Variants in PTPRB observed in about 807,000 individuals in gnomAD.
PTPRB encodes the protein protein tyrosine phosphatase receptor type B.
PTPRB carries 97 observed loss-of-function variants against 238.1 expected under a neutral mutation model. The observed-to-expected ratio is 0.41, with a 90% CI of 0.35 to 0.48. The LOEUF is 0.48. Ranked by LOEUF, PTPRB falls within the 20% of genes least tolerant of loss-of-function variation. The pLI, the probability that PTPRB is intolerant of heterozygous loss-of-function variation, is 0.30. For missense variants in PTPRB, 2,292 were observed against 2,681.9 expected (o/e 0.85, Z 3.21); for synonymous variants, 970 against 995.4 (o/e 0.97, Z 0.48).
In PTPRB at chr12:70,609,946, G is replaced by T. The variant is rs935816643; in HGVS notation, c.709-607C>A. On this transcript the variant is annotated intron_variant, in intron 3 of 33. Coordinates refer to ENST00000334414, the MANE Select transcript of PTPRB (RefSeq NM_001109754.4). The stretch of plus-strand genomic sequence containing the variant: ...GGCGCAGCGCGCTTCCCTCGGGGCT[G>T]GCGACGCGCAGGGGCCACTGCGGCC... 6 of 743,948 alleles carry T rather than the reference G, an allele frequency of 8.1e-6. No individual in the cohort carries two copies. In the East Asian group the frequency reaches 2.2e-4, roughly 27 times the overall value. The allele number at this position is 743,948 out of a possible 1,614,324, so 46.1% of individuals were successfully genotyped here. A position where few individuals can be genotyped will look rare whatever the true frequency, so the allele number is the denominator to read the frequency against.
In PTPRB at chr12:70,544,513, G is replaced by A. The variant is rs774116959; in HGVS notation, c.5494+44C>T. On this transcript the variant is annotated intron_variant, in intron 22 of 33. Coordinates refer to ENST00000334414, the MANE Select transcript of PTPRB (RefSeq NM_001109754.4). ...ATCTCCCCATTAGAGGCTCTTGTAG[G>A]TGACATGGCAGTTGGTAGAACATGA... is the stretch of plus-strand genomic sequence containing the variant. 4.5e-6 allele frequency: 6 copies of A among 1,325,574 alleles called. No individual in the cohort carries two copies. The East Asian group carries it at 1.4e-4, about 31-fold the overall frequency. The allele number at this position is 1,325,574 out of a possible 1,614,324, so 82.1% of individuals were successfully genotyped here.
chr12:70,592,561 C>G lies in PTPRB; in HGVS notation c.1517-16G>C, dbSNP rs775595847. 2 of 1,607,642 alleles carry G rather than the reference C, an allele frequency of 1.2e-6. No individual in the cohort carries two copies. Among genetic ancestry groups the G allele is most frequent in the South Asian group, 2.2e-5 (2 of 90,086 alleles). On this transcript the variant is annotated splice_polypyrimidine_tract_variant and intron_variant, in intron 6 of 33. Coordinates refer to ENST00000334414, the MANE Select transcript of PTPRB (RefSeq NM_001109754.4). ...TCCATGGGGGCTAATCAGGAAAGAA[C>G]AGAAAGGAGACTTTTACTCAGGATC... is the stretch of plus-strand genomic sequence containing the variant.
chr12:70,627,441 C>A (rs181773032), intron 2 of PTPRB, among the ~76,000 whole-genome samples: 36 of 152,206 alleles, frequency 2.4e-4, no homozygotes, highest in Non-Finnish European at 5.9e-5. Context: ...AAAAAAGAAA[C>A]TTTAGAGTCA....
chr12:70,539,979 C>A lies in PTPRB; in HGVS notation c.5638G>T (p.Asp1880Tyr). ...RPSARLSIRR[D>Y]RPLSVHLNLG... Reference sequence around the variant, plus strand: ...TTTAAGTGGACAGATAATGGTCGATCCCTACGAATGCTCAGACGGGCAGAG... The same window carrying A: ...TTTAAGTGGACAGATAATGGTCGATACCTACGAATGCTCAGACGGGCAGAG... The change falls in exon 24 of 34, where the codon GAT becomes TAT. Residue 1880 changes from aspartate to tyrosine, a missense_variant. This residue lies in a region of PTPRB where 397 missense variants were observed against 502.0 expected (regional missense o/e 0.79). Transcript: ENST00000334414. 6.2e-7 allele frequency: 1 copy of A among 1,612,446 alleles called. No homozygotes were observed. The highest frequency in any genetic ancestry group is 8.5e-7 in the Non-Finnish European group (1 of 1,178,516).
chr12:70,635,037 T>A (rs1451842855), intron 2 of PTPRB, among the ~76,000 whole-genome samples: 2 of 152,198 alleles, frequency 1.3e-5, no homozygotes, highest in Non-Finnish European at 2.9e-5. Context: ...CACATGTGTA[T>A]AACATATTTT....
chr12:70,601,769 T>C (rs893579436), intron 4 of PTPRB, among the ~76,000 whole-genome samples: 1 of 150,494 alleles, frequency 6.6e-6, no homozygotes, highest in African/African-American at 2.4e-5. Context: ...TCTAGAGAGG[T>C]AATTTCTTTT....
Position 70,576,408 on chromosome 12 carries a change from T to C in PTPRB, c.2816A>G (p.Asn939Ser). ...TGTCCGCTCTTGGCTGAAGGAGTGATTTTCATACTTGCCACTCCTTGTAGT... is the reference window on the plus strand; with the variant it reads ...TGTCCGCTCTTGGCTGAAGGAGTGACTTTCATACTTGCCACTCCTTGTAGT... The part of the protein sequence containing the change: ...TITTRSGKYE[N>S]HSFSQERTVP... Residue 939 changes from asparagine (N) to serine (S), a missense_variant, in exon 11 of 34, where the codon AAT becomes AGT. By Grantham distance (46) the Asn-to-Ser change is conservative. Transcript: ENST00000334414. 2.5e-6 allele frequency: 4 copies of C among 1,611,690 alleles called. No homozygotes were observed. The highest frequency in any genetic ancestry group is 3.4e-6 in the Non-Finnish European group (4 of 1,179,080).
At chr12:70,587,544 T>C (rs1882042661) in intron 8 of PTPRB, among the ~76,000 whole-genome samples, 1 of 152,244 alleles carries the variant, frequency 6.6e-6, no homozygotes, top group African/African-American at 2.4e-5. Context: ...AATTCTGTAA[T>C]ACAAAAATAT....
intron 2 of PTPRB, among the ~76,000 whole-genome samples, chr12:70,632,042 T>C (rs1377388090): frequency 1.3e-5 from 2 of 152,128 alleles, no homozygotes; most frequent in African/African-American, 2.4e-5. Flanking sequence ...GATCTAGAAC[T>C]AGAAATACCA....
At chr12:70,540,239 G>C in intron 23 of PTPRB, 1 of 462,742 alleles carries the variant, frequency 2.2e-6, no homozygotes, top group Non-Finnish European at 3.8e-6. Flanking sequence ...CTGAAGATTT[G>C]TCTCCTGGTT....
intron 21 of PTPRB, among the ~76,000 whole-genome samples, chr12:70,550,247 G>A (rs751281742): frequency 1.4e-4 from 22 of 152,150 alleles, no homozygotes; most frequent in Admixed American, 9.2e-4. Flanking sequence ...AGATAAGAGC[G>A]GAACGCATCT....
At chr12:70,633,578 A>T (rs1885550699) in intron 2 of PTPRB, among the ~76,000 whole-genome samples, 1 of 152,218 alleles carries the variant, frequency 6.6e-6, no homozygotes, top group Non-Finnish European at 1.5e-5. Flanking sequence ...ATGTGTACTC[A>T]AATATAAGGG....
chr12:70,548,664 C>T (rs189216503), intron 21 of PTPRB, among the ~76,000 whole-genome samples: 224 of 152,256 alleles, frequency 1.5e-3, no homozygotes, highest in African/African-American at 5.2e-3. Context: ...AATGGGTTAT[C>T]AGGCACTCTT....
At chr12:70,553,388 T>C (rs1877193208) in intron 20 of PTPRB, among the ~76,000 whole-genome samples, 1 of 152,200 alleles carries the variant, frequency 6.6e-6, no homozygotes, top group Admixed American at 6.5e-5. Flanking sequence ...ACCATTGTAG[T>C]TGAGCTAATA....
At chr12:70,627,058 A>G (rs933584710) in intron 2 of PTPRB, among the ~76,000 whole-genome samples, 5 of 152,180 alleles carry the variant, frequency 3.3e-5, no homozygotes, top group Non-Finnish European at 5.9e-5. Flanking sequence ...AATAATTGAA[A>G]GGCTAACTAA....
chr12:70,554,124 A>T (rs942704451), intron 20 of PTPRB, among the ~76,000 whole-genome samples: 1 of 152,264 alleles, frequency 6.6e-6, no homozygotes, highest in Non-Finnish European at 1.5e-5. Flanking sequence ...TGACCCTTGA[A>T]ATTATTTAAT....
chr12:70,545,807 C>T (rs940435495), intron 21 of PTPRB, among the ~76,000 whole-genome samples: 2 of 152,150 alleles, frequency 1.3e-5, no homozygotes, highest in Non-Finnish European at 2.9e-5. Flanking sequence ...GACTTGAGCT[C>T]ATGTCACTCA....
intron 3 of PTPRB, among the ~76,000 whole-genome samples, chr12:70,621,516 CA>C (rs1450473785): frequency 2.6e-5 from 4 of 152,094 alleles, no homozygotes; most frequent in African/African-American, 9.7e-5. Flanking sequence ...GAAGTAGAGA[CA>C]AAAATAAAGT....
chr12:70,631,524 C>G (rs961149246), intron 2 of PTPRB, among the ~76,000 whole-genome samples: 14 of 152,014 alleles, frequency 9.2e-5, no homozygotes, highest in African/African-American at 3.4e-4. Flanking sequence ...CATGGGCAAA[C>G]ACCTCATGAC....
Sources: allele counts gnomAD v4.1 joint callset (sites outside exome capture counted in the v4.1 genomes callset), GRCh38; gene constraint gnomAD v4.1.1; regional missense constraint gnomAD v4.1.1; transcripts MANE v1.5; gene names NCBI Gene and HGNC (gene_info 2026-07-23, HGNC 2026-07-21).